The following YEATS4 variants were observed in gnomAD, a reference collection of about 807,000 sequenced individuals.
The protein encoded by YEATS4 is YEATS domain-containing protein 4.
YEATS4 carries 17 observed loss-of-function variants against 30.1 expected under a neutral mutation model. That is an observed-to-expected ratio of 0.56 (90% confidence interval 0.39 to 0.85). The LOEUF (loss-of-function observed/expected upper bound fraction) is 0.85. Among genes scored for constraint, YEATS4 ranks in the 40% least tolerant of loss-of-function variants. The pLI, the probability that YEATS4 is intolerant of heterozygous loss-of-function variation, is 0.00. For missense variants in YEATS4, 142 were observed against 268.3 expected, an observed-to-expected ratio of 0.53 and a Z score of 3.29; for synonymous variants, 85 against 87.5, an observed-to-expected ratio of 0.97 and a Z score of 0.16.
At chr12:69,395,204 G>A (rs1868342461), downstream of YEATS4, among the ~76,000 whole-genome samples, 1 of 151,592 alleles carries the variant, frequency 6.6e-6, no homozygotes, top group African/African-American at 2.4e-5. Flanking sequence ...GAAGGAAGAA[G>A]GGAAAAGGAA....
chr12:69,395,388 CCT>C (rs1436339523), downstream of YEATS4, among the ~76,000 whole-genome samples: 1 of 151,984 alleles, frequency 6.6e-6, no homozygotes, highest in Non-Finnish European at 1.5e-5. Context: ...ACAATGGAAT[CCT>C]CTGTGGTTGT....
At chr12:69,408,662 T>G in the YEATS4 span, among the ~76,000 whole-genome samples, 3 of 152,192 alleles carry the variant, frequency 2.0e-5, no homozygotes, top group Non-Finnish European at 4.4e-5. Flanking sequence ...GTGATACAAT[T>G]GATGATCCCC....
intron 6 of YEATS4, among the ~76,000 whole-genome samples, chr12:69,389,054 C>CA (rs1418680140): frequency 3.9e-5 from 6 of 152,180 alleles, no homozygotes; most frequent in African/African-American, 1.4e-4. Context: ...CTTACAGTGT[C>CA]ACAGCTAGTA....
chr12:69,425,212 C>T, the YEATS4 span, among the ~76,000 whole-genome samples: 5 of 152,134 alleles, frequency 3.3e-5, no homozygotes, highest in Non-Finnish European at 5.9e-5. Context: ...CATGAGCCAG[C>T]GCGCCCAGCC....
chr12:69,398,872 C>T, the YEATS4 span, among the ~76,000 whole-genome samples: 23 of 149,408 alleles, frequency 1.5e-4, no homozygotes, highest in African/African-American at 4.0e-4. Context: ...GTGCTTTGGC[C>T]GGGTGTGGTG....
At chr12:69,425,446 C>T in the YEATS4 span, among the ~76,000 whole-genome samples, 1 of 152,210 alleles carries the variant, frequency 6.6e-6, no homozygotes, top group Admixed American at 6.5e-5. Context: ...TTCTGAGCTG[C>T]TTGCAGAATG....
chr12:69,387,316 A>G (rs969783481), intron 6 of YEATS4, among the ~76,000 whole-genome samples: 1 of 152,244 alleles, frequency 6.6e-6, no homozygotes, highest in African/African-American at 2.4e-5. Context: ...GTAAGACCAA[A>G]AAGTTGATGC....
At chr12:69,367,381 C>CT (rs765496933) in intron 4 of YEATS4, among the ~76,000 whole-genome samples, 1 of 138,736 alleles carries the variant, frequency 7.2e-6, no homozygotes, top group Non-Finnish European at 1.6e-5. Flanking sequence ...TTTTTTTTTT[C>CT]TTTTGAGACA....
the YEATS4 span, among the ~76,000 whole-genome samples, chr12:69,426,439 C>T: frequency 3.3e-5 from 5 of 152,102 alleles, no homozygotes; most frequent in Admixed American, 3.3e-4. Context: ...GGCGCCATCT[C>T]GGCTCACTGC....
chr12:69,362,612 GT>G (rs1263299862), intron 1 of YEATS4, among the ~76,000 whole-genome samples, 175 bp from the exon 2 acceptor site: 1 of 152,118 alleles, frequency 6.6e-6, no homozygotes, highest in Non-Finnish European at 1.5e-5. Flanking sequence ...TTATTCTGGC[GT>G]TTTTTGTGTT....
intron 6 of YEATS4, among the ~76,000 whole-genome samples, chr12:69,386,905 G>A (rs963605968): frequency 6.6e-6 from 1 of 151,744 alleles, no homozygotes; most frequent in African/African-American, 2.4e-5. Context: ...TTATAAATTA[G>A]GCACAATAAA....
At chr12:69,391,449 A>T (rs1418585768), downstream of YEATS4, among the ~76,000 whole-genome samples, 1 of 152,188 alleles carries the variant, frequency 6.6e-6, no homozygotes, top group East Asian at 1.9e-4. Context: ...TCTACTTTTA[A>T]CATTCATTAA....
the YEATS4 span, among the ~76,000 whole-genome samples, chr12:69,410,630 A>G: frequency 6.6e-6 from 1 of 152,262 alleles, no homozygotes. Context: ...AAAGATTGAC[A>G]AAAGAAACTA....
chr12:69,424,989 G>A, the YEATS4 span, among the ~76,000 whole-genome samples: 2 of 151,984 alleles, frequency 1.3e-5, no homozygotes, highest in East Asian at 3.9e-4. Flanking sequence ...GCTCGATCTC[G>A]GCTCACCACA....
At chr12:69,375,890 C>T (rs528361617) in intron 6 of YEATS4, among the ~76,000 whole-genome samples, 104 of 151,518 alleles carry the variant, frequency 6.9e-4, no homozygotes, top group Middle Eastern at 3.4e-3. Context: ...AGGGAGACCG[C>T]GCAGAGAGGG....
chr12:69,386,082 C>T (rs1399488668), intron 6 of YEATS4, among the ~76,000 whole-genome samples: 1 of 152,178 alleles, frequency 6.6e-6, no homozygotes, highest in African/African-American at 2.4e-5. Flanking sequence ...AAATTAAAAA[C>T]AGAAACTTTT....
At chr12:69,369,410 T>G (rs1406060738) in intron 4 of YEATS4, among the ~76,000 whole-genome samples, 1 of 152,222 alleles carries the variant, frequency 6.6e-6, no homozygotes, top group Admixed American at 6.5e-5. Context: ...TTCTTCATAG[T>G]TCATTGTTGG....
chr12:69,368,762 A>G (rs1013663348), intron 4 of YEATS4, among the ~76,000 whole-genome samples: 2 of 152,124 alleles, frequency 1.3e-5, no homozygotes, highest in Admixed American at 1.3e-4. Context: ...TTTTGGCAAC[A>G]TATCTCTAAT....
intron 6 of YEATS4, among the ~76,000 whole-genome samples, chr12:69,375,347 C>T (rs577683878): frequency 2.0e-5 from 3 of 151,016 alleles, no homozygotes; most frequent in African/African-American, 2.4e-5. Flanking sequence ...AGAGGATGGG[C>T]GGCCGGACAG....
Sources: allele counts gnomAD v4.1 joint callset (sites outside exome capture counted in the v4.1 genomes callset), GRCh38; gene constraint gnomAD v4.1.1; transcripts MANE v1.5; gene names NCBI Gene and HGNC (gene_info 2026-07-23, HGNC 2026-07-21).